KCNN2: variants seen among roughly 807,000 people sequenced by gnomAD.
KCNN2 encodes the protein potassium calcium-activated channel subfamily N member 2.
KCNN2 carries 24 observed loss-of-function variants against 55.5 expected under a neutral mutation model. The observed-to-expected ratio is 0.43, with a 90% CI of 0.31 to 0.61. KCNN2 has a LOEUF of 0.61. Among genes scored for constraint, KCNN2 ranks in the 20% least tolerant of loss-of-function variants. The pLI is 0.08. For missense variants in KCNN2, 754 were observed against 853.6 expected (o/e 0.88, Z 1.45); for synonymous variants, 431 against 336.1 (o/e 1.28, Z -3.09).
intron 2 of KCNN2, among the ~76,000 whole-genome samples, chr5:114,318,083 G>T (rs761837103): frequency 2.0e-5 from 3 of 152,182 alleles, no homozygotes; most frequent in South Asian, 2.1e-4. Context: ...GCACTATACT[G>T]ATTGTCTGCT....
intron 2 of KCNN2, among the ~76,000 whole-genome samples, chr5:114,384,984 G>A (rs1012038804): frequency 3.9e-5 from 6 of 152,066 alleles, no homozygotes; most frequent in South Asian, 2.1e-4. Context: ...TTTTCTACAT[G>A]TACAGATCTG....
intron 3 of KCNN2, among the ~76,000 whole-genome samples, chr5:114,458,732 T>C (rs1011611361): frequency 8.5e-5 from 13 of 152,230 alleles, no homozygotes; most frequent in Non-Finnish European, 1.6e-4. Context: ...CTACAAGATG[T>C]TCCTGGGATA....
chr5:114,259,277 C>A lies in KCNN2; in HGVS notation c.-185+37712C>A, dbSNP rs866000935. 2.6e-5 allele frequency among the ~76,000 whole-genome samples: 4 copies of A among 152,326 alleles called. 1 individual carries two copies. Among genetic ancestry groups the A allele is most frequent in the Middle Eastern group, 6.8e-3 (2 of 294 alleles). The stretch of plus-strand genomic sequence containing the variant: ...GGAACATCACTCCCCAAGAGCTGGA[C>A]CACTCAGAACCCTCAGGTCCCCTGG... On this transcript the variant is annotated intron_variant, in intron 2 of 10. Transcript: ENST00000512097.
At position 114,362,626 on chromosome 5, in the gene KCNN2, C is replaced by A; in HGVS notation, c.487C>A (p.Leu163Met). ...SASQYHQCHSLQPAASPTGSL... is the reference protein window; with the variant it reads ...SASQYHQCHSMQPAASPTGSL... ...CTCCCAGTACCACCAGTGCCACAGC[C>A]TGCAGCCCGCCGCCAGCCCCACGGG... The change falls in exon 1 of 8, where the codon CTG becomes ATG. Residue 163 changes from leucine to methionine, a missense_variant. Coordinates refer to ENST00000673685, the MANE Select transcript of KCNN2 (RefSeq NM_021614.4). The A allele has an allele frequency of 9.0e-7, 1 of 1,105,632 alleles. No homozygotes were observed. The highest frequency in any genetic ancestry group is 1.2e-6 in the Non-Finnish European group (1 of 803,746). 68.5% of individuals were successfully genotyped at this position (1,105,632 alleles called of 1,614,324 possible). A position where few individuals can be genotyped will look rare whatever the true frequency, so the allele number is the denominator to read the frequency against.
intron 1 of KCNN2, among the ~76,000 whole-genome samples, chr5:114,160,148 T>C (rs1394338350): frequency 2.0e-5 from 3 of 152,210 alleles, no homozygotes; most frequent in African/African-American, 2.4e-5. Flanking sequence ...TTTAGTGCTA[T>C]AAATTTCCCT....
intron 2 of KCNN2, among the ~76,000 whole-genome samples, chr5:114,373,657 T>TATATATATATATATATATATAC (rs1175218618): frequency 8.5e-6 from 1 of 117,644 alleles, no homozygotes; most frequent in African/African-American, 3.0e-5. Flanking sequence ...TATATATATA[T>TATATATATATATATATATATAC]AAAATTACTT....
intron 1 of KCNN2, among the ~76,000 whole-genome samples, chr5:114,138,860 T>C (rs955605472): frequency 6.6e-6 from 1 of 152,136 alleles, no homozygotes; most frequent in Non-Finnish European, 1.5e-5. Context: ...CAATTTTCAG[T>C]TTCCTTTTAA....
intron 2 of KCNN2, among the ~76,000 whole-genome samples, chr5:114,325,546 A>G (rs746936620): frequency 6.6e-6 from 1 of 152,244 alleles, no homozygotes; most frequent in Non-Finnish European, 1.5e-5. Flanking sequence ...GATACCCTCA[A>G]TTAAACCAGG....
At chr5:114,168,124 A>T (rs1752955708) in intron 1 of KCNN2, among the ~76,000 whole-genome samples, 1 of 150,836 alleles carries the variant, frequency 6.6e-6, no homozygotes, top group Non-Finnish European at 1.5e-5. Flanking sequence ...TATATGTAGC[A>T]TTATATATGT....
At chr5:114,399,827 T>A (rs1041397199) in intron 2 of KCNN2, among the ~76,000 whole-genome samples, 2 of 152,142 alleles carry the variant, frequency 1.3e-5, no homozygotes, top group Non-Finnish European at 2.9e-5. Context: ...CTGGGTTCGA[T>A]CTTGGGAGAT....
At chr5:114,495,857 CAAGTAT>C in intron 7 of KCNN2, 32 bp from the exon 8 acceptor site, 2 of 1,582,676 alleles carry the variant, frequency 1.3e-6, no homozygotes, top group Non-Finnish European at 1.7e-6. Flanking sequence ...GTGTTCAGGG[CAAGTAT>C]AATTAACCTT....
chr5:114,158,683 C>A (rs905536171), intron 1 of KCNN2, among the ~76,000 whole-genome samples: 3 of 150,850 alleles, frequency 2.0e-5, no homozygotes, highest in African/African-American at 7.3e-5. Flanking sequence ...TTTCATTGAG[C>A]AGTGGTTTGT....
At chr5:114,085,695 T>G (rs1159556597) in intron 1 of KCNN2, among the ~76,000 whole-genome samples, 1 of 152,068 alleles carries the variant, frequency 6.6e-6, no homozygotes, top group East Asian at 1.9e-4. Context: ...TCGAGTGCAC[T>G]TGAAAATAAT....
At chr5:114,160,116 T>G (rs1255418831) in intron 1 of KCNN2, among the ~76,000 whole-genome samples, 3 of 152,218 alleles carry the variant, frequency 2.0e-5, no homozygotes, top group African/African-American at 7.2e-5. Context: ...TTTTAGGTCT[T>G]TCCTGCTTTC....
At chr5:114,059,861 G>A (rs1750290144) in intron 1 of KCNN2, among the ~76,000 whole-genome samples, 1 of 152,206 alleles carries the variant, frequency 6.6e-6, no homozygotes, top group Admixed American at 6.5e-5. Context: ...CTGACCTCAT[G>A]GGTGATGGGA....
chr5:114,379,455 A>G (rs1758037290), intron 2 of KCNN2, among the ~76,000 whole-genome samples: 1 of 123,178 alleles, frequency 8.1e-6, no homozygotes, highest in South Asian at 2.6e-4. Flanking sequence ...TTTATAGAAT[A>G]TATTATATAA....
chr5:114,138,341 T>C (rs1017751666), intron 1 of KCNN2, among the ~76,000 whole-genome samples: 1 of 152,168 alleles, frequency 6.6e-6, no homozygotes, highest in African/African-American at 2.4e-5. Context: ...GTCTATTTTA[T>C]TCATATCGTA....
At chr5:114,417,941 C>G (rs1035581058) in intron 3 of KCNN2, among the ~76,000 whole-genome samples, 3 of 152,182 alleles carry the variant, frequency 2.0e-5, no homozygotes, top group Non-Finnish European at 4.4e-5. Flanking sequence ...TACAAGTCAT[C>G]TAATCCTATC....
chr5:114,111,585 G>C (rs899154676), intron 1 of KCNN2, among the ~76,000 whole-genome samples: 1 of 152,110 alleles, frequency 6.6e-6, no homozygotes, highest in Non-Finnish European at 1.5e-5. Context: ...CTATCCATCT[G>C]ACAAAGGGCT....
Sources: gnomAD v4.1 joint callset for allele counts (sites outside exome capture counted in the v4.1 genomes callset) on GRCh38, gnomAD v4.1.1 for gene constraint, MANE v1.5 for transcripts, NCBI Gene and HGNC (gene_info 2026-07-23, HGNC 2026-07-21) for gene names.